ANLN: variants seen among roughly 807,000 people sequenced by gnomAD.
The protein encoded by ANLN is anillin, actin binding protein, also known as anillin.
In ANLN, 59 loss-of-function variants were observed where a neutral mutation model predicts 135.1. That is an observed-to-expected ratio of 0.44 (90% CI 0.35 to 0.54). The LOEUF (loss-of-function observed/expected upper bound fraction) is 0.54. ANLN is among the 20% of genes least tolerant of loss of function. The pLI is 0.00. For missense variants in ANLN, 1,182 were observed against 1,340.0 expected, an observed-to-expected ratio of 0.88 and a Z score of 1.84; for synonymous variants, 406 against 456.4, an observed-to-expected ratio of 0.89 and a Z score of 1.41.
At position 36,452,901 on chromosome 7, in the gene ANLN, GAA is replaced by G; in HGVS notation, c.*303_*304del. 5.2e-6 allele frequency: 1 copy of G among 193,048 alleles called. No individual in the cohort carries two copies. The highest frequency in any genetic ancestry group is 1.1e-5 in the Non-Finnish European group (1 of 94,148). The allele number at this position is 193,048 out of a possible 1,614,324, so 12.0% of individuals were successfully genotyped here. A position where few individuals can be genotyped will look rare whatever the true frequency, so the allele number is the denominator to read the frequency against. On this transcript the variant is annotated 3_prime_UTR_variant, in exon 24 of 24. Coordinates refer to ENST00000265748, the MANE Select transcript of ANLN (RefSeq NM_018685.5). Reference sequence around the variant, plus strand: ...CATGACAATATTTTTTTAAAAGTAAGAAATTCTGAGTTGTCTTCTTGGAGCTG... The same window carrying G: ...CATGACAATATTTTTTTAAAAGTAAGATTCTGAGTTGTCTTCTTGGAGCTG...
chr7:36,415,347 T>A (rs1005632014), intron 7 of ANLN, among the ~76,000 whole-genome samples: 9 of 152,204 alleles, frequency 5.9e-5, no homozygotes, highest in Middle Eastern at 3.2e-3. Context: ...TTGAGATAAG[T>A]GACATAGGGG....
rs773098225 is a variant in ANLN, at chr7:36,419,374, T to G, written c.1764T>G (p.Asp588Glu). 1.2e-6 allele frequency: 2 copies of G among 1,614,104 alleles called. No individual in the cohort carries two copies. Among genetic ancestry groups the G allele is most frequent in the South Asian group, 2.2e-5 (2 of 91,084 alleles). ...LDMEKSQEEM[D>E]QALAESSEEQ... ...TGGAGAAGAGCCAAGAGGAGATGGA[T>G]CAAGCATTAGCAGAAAGCAGCGAAG... The change falls in exon 10 of 24, where the codon GAT becomes GAG. Residue 588 changes from aspartate to glutamate, a missense_variant. By Grantham distance (45) the Asp-to-Glu change is conservative. Around this residue, in one of 3 missense-constraint regions of ANLN, gnomAD observed 1,022 missense variants for 1,134.0 expected, o/e 0.90. Transcript: ENST00000265748.
Position 36,452,636 on chromosome 7 carries a change from T to A in ANLN, c.*36T>A. The A allele has an allele frequency of 6.2e-7, 1 of 1,608,118 alleles. No individual in the cohort carries two copies. Among genetic ancestry groups the A allele is most frequent in the Non-Finnish European group, 8.5e-7 (1 of 1,176,024 alleles). ...TTCCATGCTATCTAGAGGTTTTTGA[T>A]GTCATCTTAAGAAACACACTTAAGA... is the stretch of plus-strand genomic sequence containing the variant. On this transcript the variant is annotated 3_prime_UTR_variant, in exon 24 of 24. Coordinates refer to ENST00000265748, the MANE Select transcript of ANLN (RefSeq NM_018685.5).
chr7:36,396,565 T>A, intron 2 of ANLN, 146 bp downstream of exon 2: 1 of 723,072 alleles, frequency 1.4e-6, no homozygotes, highest in Non-Finnish European at 2.1e-6. Flanking sequence ...AGCCTTCTAT[T>A]CTATTTCAGA....
intron 3 of ANLN, among the ~76,000 whole-genome samples, chr7:36,399,887 T>G (rs1786867104): frequency 6.6e-6 from 1 of 152,090 alleles, no homozygotes; most frequent in South Asian, 2.1e-4. Context: ...TTACCTTTCA[T>G]GAGCCTATAA....
At chr7:36,416,989 A>T in intron 8 of ANLN, 91 bp from the exon 9 acceptor site, 1 of 697,342 alleles carries the variant, frequency 1.4e-6, no homozygotes, top group South Asian at 2.5e-5. Flanking sequence ...ATAGTTTTAT[A>T]ATCAGAAAAA....
intron 21 of ANLN, among the ~76,000 whole-genome samples, chr7:36,440,189 G>A (rs1298565205): frequency 1.3e-5 from 2 of 152,226 alleles, no homozygotes; most frequent in African/African-American, 4.8e-5. Context: ...GGGAAGCCCA[G>A]GGCAAGTGAG....
intron 21 of ANLN, among the ~76,000 whole-genome samples, chr7:36,442,873 G>A (rs1172811902): frequency 2.6e-5 from 4 of 151,192 alleles, no homozygotes; most frequent in East Asian, 1.9e-4. Context: ...CTCGTGATCC[G>A]CCCGCCTCGG....
intron 11 of ANLN, 98 bp downstream of exon 11, chr7:36,420,412 C>A: frequency 6.9e-7 from 1 of 1,449,750 alleles, no homozygotes; most frequent in South Asian, 1.3e-5. Flanking sequence ...ATTAATAACT[C>A]ATCTGTATAA....
intron 20 of ANLN, among the ~76,000 whole-genome samples, chr7:36,428,687 A>G (rs917941169): frequency 6.6e-6 from 1 of 152,026 alleles, no homozygotes; most frequent in Non-Finnish European, 1.5e-5. Context: ...TAGAATACCA[A>G]TTAGTAACTA....
chr7:36,427,487 G>A (rs1418778801), intron 20 of ANLN, among the ~76,000 whole-genome samples: 1 of 151,980 alleles, frequency 6.6e-6, no homozygotes, highest in Admixed American at 6.6e-5. Flanking sequence ...AAGTAGCTGG[G>A]ACTACAGGCA....
chr7:36,399,449 G>T, intron 3 of ANLN, 56 bp downstream of exon 3: 1 of 1,415,206 alleles, frequency 7.1e-7, no homozygotes, highest in Non-Finnish European at 9.5e-7. Context: ...GATTCAGTTT[G>T]GTATGTTGAA....
At chr7:36,401,198 A>G (rs1217022086) in intron 3 of ANLN, among the ~76,000 whole-genome samples, 1 of 152,220 alleles carries the variant, frequency 6.6e-6, no homozygotes. Flanking sequence ...TGAGATATAT[A>G]CCACTTTTAT....
chr7:36,448,113 C>G (rs1235734524), intron 22 of ANLN, among the ~76,000 whole-genome samples: 1 of 152,000 alleles, frequency 6.6e-6, no homozygotes, highest in Non-Finnish European at 1.5e-5. Context: ...CTCCTGGGCT[C>G]AAGCGATTCT....
chr7:36,410,998 G>T (rs113329122), intron 6 of ANLN, 61 bp from the exon 7 acceptor site: 1 of 1,443,220 alleles, frequency 6.9e-7, no homozygotes, highest in Non-Finnish European at 9.4e-7. Flanking sequence ...AATTTTAGTA[G>T]TGTTTGGATG....
At position 36,407,841 on chromosome 7, in the gene ANLN, G is replaced by A. The variant is rs571293127; in HGVS notation, c.981G>A (p.Thr327=). Residue 327 remains threonine, a synonymous_variant, in exon 5 of 24, where the codon ACG becomes ACA. Transcript: ENST00000265748. ...LPKTPISPLK[T]GVSKPIVKST... ...AAACTCCTATTAGTCCTCTGAAAAC[G>A]GGGGTATCGAAACCAATTGTGAAGT... is the stretch of plus-strand genomic sequence containing the variant. 39 of 1,613,774 alleles carry A rather than the reference G, an allele frequency of 2.4e-5. No homozygotes were observed. The highest frequency in any genetic ancestry group is 8.9e-5 in the East Asian group (4 of 44,844).
rs66498745 is a variant in ANLN at position 36,397,147 on chromosome 7, GTT to G, written c.172+734_172+735del. 5.3e-5 allele frequency among the ~76,000 whole-genome samples: 8 copies of G among 150,774 alleles called. No homozygotes were observed. The South Asian group carries it at 8.4e-4, about 16-fold the overall frequency. ...AAAAATTACAGAGGGCAAAACCAATGTTTTTTTAAAAAAAAAGAAAGCAGAGA... is the reference window on the plus strand; with the variant it reads ...AAAAATTACAGAGGGCAAAACCAATGTTTTTAAAAAAAAAGAAAGCAGAGA... On this transcript the variant is annotated intron_variant, in intron 2 of 23. Transcript: ENST00000265748.
chr7:36,425,293 C>CTTTT (rs1221400271), intron 17 of ANLN, among the ~76,000 whole-genome samples: 20 of 123,608 alleles, frequency 1.6e-4, no homozygotes, highest in South Asian at 2.6e-4. Flanking sequence ...AGAACTCATT[C>CTTTT]TTTTTTTTTT....
In ANLN at chr7:36,389,953, G is replaced by A; in HGVS notation, c.-74G>A. Reference sequence around the variant, plus strand: ...CCTGGTTTTTTCCAGGAGACACACTGAGCTGAGACTCACTTTTCTCTTCCT... The same window carrying A: ...CCTGGTTTTTTCCAGGAGACACACTAAGCTGAGACTCACTTTTCTCTTCCT... On this transcript the variant is annotated 5_prime_UTR_variant, in exon 1 of 24. Coordinates refer to ENST00000265748, the MANE Select transcript of ANLN (RefSeq NM_018685.5). 6.2e-7 allele frequency: 1 copy of A among 1,613,844 alleles called. No individual in the cohort carries two copies. Among genetic ancestry groups the A allele is most frequent in the Non-Finnish European group, 8.5e-7 (1 of 1,179,860 alleles).
Sources: allele counts gnomAD v4.1 joint callset (sites outside exome capture counted in the v4.1 genomes callset), GRCh38; gene constraint gnomAD v4.1.1; regional missense constraint gnomAD v4.1.1; transcripts MANE v1.5; gene names NCBI Gene and HGNC (gene_info 2026-07-23, HGNC 2026-07-21).